Variants in MINK1 observed in about 807,000 individuals in gnomAD.
MINK1 encodes the protein misshapen like kinase 1, also known as misshapen-like kinase 1.
MINK1 carries 46 observed loss-of-function variants against 178.4 expected under a neutral mutation model. That is an observed-to-expected ratio of 0.26 (90% CI 0.20 to 0.33). The LOEUF (loss-of-function observed/expected upper bound fraction) is 0.33, where lower values mean the gene tolerates loss of function less well. Ranked by LOEUF, MINK1 falls within the 10% of genes least tolerant of loss-of-function variation. The pLI, the probability that MINK1 is intolerant of heterozygous loss-of-function variation, is 1.00. For missense variants in MINK1, 1,366 were observed against 1,814.9 expected (o/e 0.75, Z 4.49); for synonymous variants, 797 against 709.7 (o/e 1.12, Z -1.96).
intron 1 of MINK1, among the ~76,000 whole-genome samples, chr17:4,860,017 C>T (rs1309772723): frequency 7.0e-6 from 1 of 142,924 alleles, no homozygotes; most frequent in Non-Finnish European, 1.5e-5. Context: ...GGAAGGGGCG[C>T]GTCCGGGAAC....
rs780931540 is a variant in MINK1, at chr17:4,889,610, C to A, written c.1231-37C>A. On this transcript the variant is annotated intron_variant, in intron 12 of 31. Coordinates refer to ENST00000355280, the MANE Select transcript of MINK1 (RefSeq NM_153827.5). ...GGAGGGGCAGTGCTGACGCGATGTCCGGTATGGTTCTTAAGACCACCTGGC... is the reference window on the plus strand; with the variant it reads ...GGAGGGGCAGTGCTGACGCGATGTCAGGTATGGTTCTTAAGACCACCTGGC... 5 of 1,524,172 alleles carry A rather than the reference C, an allele frequency of 3.3e-6. No homozygotes were observed. In the South Asian group the frequency reaches 5.9e-5, roughly 18 times the overall value. 94.4% of individuals were successfully genotyped at this position (1,524,172 alleles called of 1,614,324 possible). A position where few individuals can be genotyped will look rare whatever the true frequency, so the allele number is the denominator to read the frequency against.
intron 1 of MINK1, among the ~76,000 whole-genome samples, chr17:4,875,865 G>C (rs998899040): frequency 6.8e-6 from 1 of 146,520 alleles, no homozygotes. Flanking sequence ...GTGTGATCTC[G>C]GCTCACTGCA....
Position 4,896,995 on chromosome 17 carries a change from C to A in MINK1, c.3915+182C>A. ...CTCCCTTCAGATTCCGAGGACTTCC[C>A]AGCTGGCCCCCAGGGGGCGAGTGGT... On this transcript the variant is annotated intron_variant, in intron 31 of 31. Transcript: ENST00000355280. This position sits in a 1 kb window ranked among gnomAD's most constrained non-coding sequence, Gnocchi z 4.6. 1.0e-6 allele frequency: 1 copy of A among 999,824 alleles called. No individual in the cohort carries two copies. Among genetic ancestry groups the A allele is most frequent in the Non-Finnish European group, 1.4e-6 (1 of 691,416 alleles). 61.9% of individuals were successfully genotyped at this position (999,824 alleles called of 1,614,324 possible). A position where few individuals can be genotyped will look rare whatever the true frequency, so the allele number is the denominator to read the frequency against.
chr17:4,890,081 C>A, intron 13 of MINK1: 1 of 487,262 alleles, frequency 2.1e-6, no homozygotes, highest in Non-Finnish European at 3.6e-6. Flanking sequence ...ATCCCCTCCC[C>A]TACCTCTCTC....
chr17:4,896,085 C>T lies in MINK1; in HGVS notation c.3447C>T (p.His1149=). Residue 1149 remains histidine (H), a synonymous_variant, in exon 28 of 32, where the codon CAC becomes CAT. Transcript: ENST00000355280. This position sits in a 1 kb window ranked among gnomAD's most constrained non-coding sequence, Gnocchi z 4.6. The part of the protein sequence containing the change: ...EVYAWAPKPY[H]KFMAFKSFAD... ...ATGCCTGGGCCCCCAAACCCTACCACAAATTCATGGCCTTCAAGGTAATCC... is the reference window on the plus strand; with the variant it reads ...ATGCCTGGGCCCCCAAACCCTACCATAAATTCATGGCCTTCAAGGTAATCC... The T allele has an allele frequency of 6.2e-7, 1 of 1,608,004 alleles. No individual in the cohort carries two copies. Among genetic ancestry groups the T allele is most frequent in the African/African-American group, 1.3e-5 (1 of 74,822 alleles).
chr17:4,896,479 C>T lies in MINK1; in HGVS notation c.3666C>T (p.Asp1222=), dbSNP rs200765876. ...CCATCATCTTCCTCCCCAACACCGA[C>T]GGCATGGAGATGCTGCTGTGCTACG... ...PHAIIFLPNT[D]GMEMLLCYED... Residue 1222 remains aspartate (D), a synonymous_variant, in exon 30 of 32, where the codon GAC becomes GAT. Transcript: ENST00000355280. The surrounding 1 kb of genome is among the most constrained non-coding windows in gnomAD (Gnocchi z 4.6). 2.4e-5 allele frequency: 38 copies of T among 1,613,814 alleles called. 1 individual carries two copies. Among genetic ancestry groups the T allele is most frequent in the South Asian group, 1.4e-4 (13 of 91,086 alleles).
chr17:4,879,679 C>G (rs1282089684), intron 2 of MINK1, among the ~76,000 whole-genome samples: 1 of 152,168 alleles, frequency 6.6e-6, no homozygotes, highest in African/African-American at 2.4e-5. Flanking sequence ...GATGCTCCCA[C>G]TGGGAATTTC....
At chr17:4,835,847 G>A (rs557512311) in intron 1 of MINK1, among the ~76,000 whole-genome samples, 1 of 152,208 alleles carries the variant, frequency 6.6e-6, no homozygotes, top group East Asian at 1.9e-4. Flanking sequence ...GCCTTCCTCA[G>A]TTGCCTCCAG....
rs545133141 is a variant in MINK1 at position 4,840,477 on chromosome 17, G to T, written c.57+6837G>T. Among the ~76,000 whole-genome samples, 14 of 152,036 alleles carry T rather than the reference G, an allele frequency of 9.2e-5. No homozygotes were observed. In the South Asian group the frequency reaches 1.2e-3, roughly 14 times the overall value. On this transcript the variant is annotated intron_variant, in intron 1 of 31. Coordinates refer to ENST00000355280, the MANE Select transcript of MINK1 (RefSeq NM_153827.5). ...CATATAATCCTCATTTTTACTTACTGGGGGAGGGACTCTGGGTCCTGGGTC... is the reference window on the plus strand; with the variant it reads ...CATATAATCCTCATTTTTACTTACTTGGGGAGGGACTCTGGGTCCTGGGTC...
At position 4,894,069 on chromosome 17, in the gene MINK1, G is replaced by T. The variant is rs745504509; in HGVS notation, c.2646G>T (p.Gly882=). ...EEITGTQPPY[G]GGTMVVQRTP... ...TCACCGGGACCCAGCCCCCATACGG[G>T]GGCGGCACCATGGTGGTCCAGCGCG... Residue 882 remains glycine (G), a synonymous_variant, in exon 22 of 32, where the codon GGG becomes GGT. Transcript: ENST00000355280. The surrounding 1 kb of genome is among the most constrained non-coding windows in gnomAD (Gnocchi z 4.1). 2.7e-5 allele frequency: 43 copies of T among 1,588,116 alleles called. No individual in the cohort carries two copies. Among genetic ancestry groups the T allele is most frequent in the Non-Finnish European group, 3.6e-5 (42 of 1,165,484 alleles).
intron 1 of MINK1, among the ~76,000 whole-genome samples, chr17:4,854,233 A>G (rs2150833289): frequency 6.6e-6 from 1 of 150,802 alleles, no homozygotes; most frequent in East Asian, 1.9e-4. Flanking sequence ...TCCCTCCCCC[A>G]CCACCTGGCT....
Position 4,886,326 on chromosome 17 carries a change from C to A in MINK1, c.774-125C>A. On this transcript the variant is annotated intron_variant, in intron 9 of 31. Transcript: ENST00000355280. The surrounding 1 kb of genome is among the most constrained non-coding windows in gnomAD (Gnocchi z 6.1). ...GATTCTGGGGGGCAGAGGGCGGTGA[C>A]TGGTGTTGGGATATGAAGACAGGAG... 1 of 1,495,182 alleles carries A rather than the reference C, an allele frequency of 6.7e-7. No individual in the cohort carries two copies. Among genetic ancestry groups the A allele is most frequent in the Non-Finnish European group, 9.3e-7 (1 of 1,077,098 alleles). 92.6% of individuals were successfully genotyped at this position (1,495,182 alleles called of 1,614,324 possible). A position where few individuals can be genotyped will look rare whatever the true frequency, so the allele number is the denominator to read the frequency against.
chr17:4,871,074 G>T, intron 1 of MINK1: 1 of 368,328 alleles, frequency 2.7e-6, no homozygotes, highest in East Asian at 9.1e-5. Context: ...CACATAATAT[G>T]TGGCCTTTTG....
intron 1 of MINK1, among the ~76,000 whole-genome samples, chr17:4,848,772 C>T (rs1345966572): frequency 6.6e-6 from 1 of 152,226 alleles, no homozygotes; most frequent in Non-Finnish European, 1.5e-5. Context: ...GCTGGGATTA[C>T]AGGCCTAAGC....
intron 1 of MINK1, among the ~76,000 whole-genome samples, chr17:4,873,805 A>G (rs1009992039): frequency 2.6e-5 from 4 of 151,694 alleles, no homozygotes; most frequent in African/African-American, 9.7e-5. Context: ...TTTTTAGTAG[A>G]GACAGGACTT....
chr17:4,877,077 A>C (rs1967244043), intron 1 of MINK1, among the ~76,000 whole-genome samples: 1 of 148,770 alleles, frequency 6.7e-6, no homozygotes. Context: ...ACAGAGTGAG[A>C]CTCAGTCTCA....
At chr17:4,851,446 C>A (rs1488683806) in intron 1 of MINK1, among the ~76,000 whole-genome samples, 2 of 152,168 alleles carry the variant, frequency 1.3e-5, no homozygotes, top group Admixed American at 1.3e-4. Flanking sequence ...GCTAAGAAAG[C>A]CTACCCCTGA....
At chr17:4,861,198 T>C (rs1229508697) in intron 1 of MINK1, among the ~76,000 whole-genome samples, 2 of 152,168 alleles carry the variant, frequency 1.3e-5, no homozygotes, top group Middle Eastern at 3.2e-3. Context: ...GCGAGTGCAG[T>C]GTCACCAGGA....
intron 1 of MINK1, among the ~76,000 whole-genome samples, chr17:4,847,494 T>C (rs1273151647): frequency 6.6e-6 from 1 of 152,202 alleles, no homozygotes; most frequent in Non-Finnish European, 1.5e-5. Flanking sequence ...GATGATAGGA[T>C]TCCCTAAGAT....
Sources: allele counts gnomAD v4.1 joint callset (sites outside exome capture counted in the v4.1 genomes callset), GRCh38; gene constraint gnomAD v4.1.1; non-coding constraint Gnocchi (gnomAD v3.1); transcripts MANE v1.5; gene names NCBI Gene and HGNC (gene_info 2026-07-23, HGNC 2026-07-21).